SHISA6: variants seen among roughly 807,000 people sequenced by gnomAD.
SHISA6 encodes the protein shisa family member 6.
In SHISA6, 22 loss-of-function variants were observed where a neutral mutation model predicts 47.9. The ratio of observed to expected loss-of-function variants is 0.46; its 90% CI spans 0.33 to 0.66. SHISA6 has a LOEUF of 0.66. Ranked by LOEUF, SHISA6 falls within the 30% of genes least tolerant of loss-of-function variation. The pLI is 0.02. For synonymous variants in SHISA6, 388 were observed against 337.8 expected (o/e 1.15, Z -1.63); for missense variants, 680 against 764.6 (o/e 0.89, Z 1.30).
At chr17:11,305,496 G>A (rs1345456980) in intron 2 of SHISA6, among the ~76,000 whole-genome samples, 1 of 152,180 alleles carries the variant, frequency 6.6e-6, no homozygotes, top group Admixed American at 6.5e-5. Context: ...TGTCTGTGTC[G>A]CCTCACAGAC....
intron 3 of SHISA6, among the ~76,000 whole-genome samples, chr17:11,458,199 C>G (rs1224374245): frequency 1.3e-5 from 2 of 151,988 alleles, no homozygotes; most frequent in Non-Finnish European, 2.9e-5. Flanking sequence ...CAGTGAGTAT[C>G]TTCTGGGTGA....
intron 3 of SHISA6, among the ~76,000 whole-genome samples, chr17:11,459,194 G>A (rs1412411290): frequency 1.9e-4 from 28 of 149,230 alleles, no homozygotes; most frequent in Non-Finnish European, 3.1e-4. Context: ...ACTCCAGCCC[G>A]GGCGACAGAG....
At chr17:11,464,371 TCA>T (rs1915760235) in intron 3 of SHISA6, among the ~76,000 whole-genome samples, 1 of 152,172 alleles carries the variant, frequency 6.6e-6, no homozygotes, top group African/African-American at 2.4e-5. Flanking sequence ...ACAGAGATTT[TCA>T]CATAGATTCT....
chr17:11,558,606 C>T lies in SHISA6; in HGVS notation c.*302C>T, dbSNP rs561319727. The T allele has an allele frequency of 6.5e-4, 272 of 419,682 alleles. 1 individual carries two copies. The South Asian group carries it at 6.9e-3, about 11-fold the overall frequency. The allele number at this position is 419,682 out of a possible 1,614,324, so 26.0% of individuals were successfully genotyped here. On this transcript the variant is annotated 3_prime_UTR_variant, in exon 6 of 6. Coordinates refer to ENST00000441885, the MANE Select transcript of SHISA6 (RefSeq NM_207386.4). Reference sequence around the variant, plus strand: ...CGACCACCTTCACCAACTCCCTTTCCGTCCCGCGCCTCCTTCTCCCCATCC... The same window carrying T: ...CGACCACCTTCACCAACTCCCTTTCTGTCCCGCGCCTCCTTCTCCCCATCC...
At chr17:11,461,198 T>G (rs2142313649) in intron 3 of SHISA6, among the ~76,000 whole-genome samples, 1 of 152,146 alleles carries the variant, frequency 6.6e-6, no homozygotes, top group African/African-American at 2.4e-5. Context: ...GAGATTGAGA[T>G]CATCCTGGCT....
rs563312915 is a variant in SHISA6, at chr17:11,345,580, C to T, written c.800-33834C>T. ...AATTTGGGGAATTTTGCTATCTTAACAATATTGTCTTCCAATCCATGAACG... is the reference window on the plus strand; with the variant it reads ...AATTTGGGGAATTTTGCTATCTTAATAATATTGTCTTCCAATCCATGAACG... On this transcript the variant is annotated intron_variant, in intron 2 of 5. Transcript: ENST00000441885. 1.4e-3 allele frequency among the ~76,000 whole-genome samples: 215 copies of T among 152,110 alleles called. 1 individual carries two copies. The highest frequency in any genetic ancestry group is 2.5e-3 in the Non-Finnish European group (173 of 67,968).
intron 2 of SHISA6, among the ~76,000 whole-genome samples, chr17:11,317,350 T>C (rs2142192761): frequency 6.6e-6 from 1 of 152,170 alleles, no homozygotes; most frequent in African/African-American, 2.4e-5. Context: ...CAGTATTTGT[T>C]TTTATCTGTT....
At chr17:11,303,369 T>C (rs1305251024) in intron 2 of SHISA6, among the ~76,000 whole-genome samples, 1 of 151,726 alleles carries the variant, frequency 6.6e-6, no homozygotes, top group Non-Finnish European at 1.5e-5. Flanking sequence ...GTGTGGTGTT[T>C]TGTGCATGAT....
Position 11,515,053 on chromosome 17 carries a change from G to C in SHISA6, c.896-36843G>C, listed in dbSNP as rs140878542. Among the ~76,000 whole-genome samples the C allele has an allele frequency of 1.2e-3, 177 of 152,246 alleles. 3 individuals are homozygous for C. Among genetic ancestry groups the C allele is most frequent in the African/African-American group, 3.7e-3 (154 of 41,560 alleles). ...CTGTGGACTTCCTTTAGAGACCACA[G>C]TGGGTGATGATGCCACTGTCAGGGA... On this transcript the variant is annotated intron_variant, in intron 3 of 5. Coordinates refer to ENST00000441885, the MANE Select transcript of SHISA6 (RefSeq NM_207386.4).
intron 3 of SHISA6, among the ~76,000 whole-genome samples, chr17:11,397,770 T>G (rs1193289280): frequency 6.6e-6 from 1 of 152,150 alleles, no homozygotes; most frequent in African/African-American, 2.4e-5. Flanking sequence ...ATTTTTTTCT[T>G]TCTCTTTGAA....
At chr17:11,388,790 T>TTATACATATATA (rs1913276710) in intron 3 of SHISA6, among the ~76,000 whole-genome samples, 1 of 50,036 alleles carries the variant, frequency 2.0e-5, no homozygotes, top group Non-Finnish European at 3.8e-5. Flanking sequence ...AAACAAAAGT[T>TTATACATATATA]TATATATATA....
chr17:11,433,330 G>A (rs544830426), intron 3 of SHISA6, among the ~76,000 whole-genome samples: 1 of 152,120 alleles, frequency 6.6e-6, no homozygotes, highest in Non-Finnish European at 1.5e-5. Context: ...AGGACATGCA[G>A]TGTTTGGTCT....
intron 3 of SHISA6, among the ~76,000 whole-genome samples, chr17:11,519,171 A>G (rs2071608755): frequency 6.6e-6 from 1 of 152,216 alleles, no homozygotes; most frequent in African/African-American, 2.4e-5. Context: ...GGAGAACAGT[A>G]ACAAAAGCAA....
chr17:11,524,114 A>T (rs2071655656), intron 3 of SHISA6, among the ~76,000 whole-genome samples: 1 of 152,110 alleles, frequency 6.6e-6, no homozygotes, highest in Non-Finnish European at 1.5e-5. Context: ...AAAGAAAGAA[A>T]ATAATACACA....
At chr17:11,405,806 A>G (rs1336830166) in intron 3 of SHISA6, among the ~76,000 whole-genome samples, 3 of 151,986 alleles carry the variant, frequency 2.0e-5, no homozygotes, top group African/African-American at 7.2e-5. Context: ...AAAAAAAAGA[A>G]AAGAAAAAAA....
intron 3 of SHISA6, among the ~76,000 whole-genome samples, chr17:11,407,028 G>C (rs1383358580): frequency 6.6e-6 from 1 of 152,170 alleles, no homozygotes; most frequent in African/African-American, 2.4e-5. Context: ...AATAGCATTA[G>C]CATGAGGAAT....
intron 2 of SHISA6, among the ~76,000 whole-genome samples, chr17:11,352,074 GT>G (rs1911909781): frequency 6.6e-6 from 1 of 152,158 alleles, no homozygotes. Context: ...AGCTTGAGAA[GT>G]GGATTTGAAA....
At chr17:11,341,328 CTTTTT>C (rs71367322) in intron 2 of SHISA6, among the ~76,000 whole-genome samples, 4 of 88,826 alleles carry the variant, frequency 4.5e-5, no homozygotes, top group African/African-American at 1.3e-4. Flanking sequence ...CTCTCTCTCT[CTTTTT>C]TTTTTTTTTT....
At chr17:11,253,709 C>A (rs1907903397) in intron 1 of SHISA6, among the ~76,000 whole-genome samples, 2 of 152,138 alleles carry the variant, frequency 1.3e-5, no homozygotes, top group Admixed American at 6.5e-5. Context: ...GGGGTTCCTG[C>A]TAATTTTCCC....
Sources: gnomAD v4.1 joint callset for allele counts (sites outside exome capture counted in the v4.1 genomes callset) on GRCh38, gnomAD v4.1.1 for gene constraint, MANE v1.5 for transcripts, NCBI Gene and HGNC (gene_info 2026-07-23, HGNC 2026-07-21) for gene names.